Variants in TTC7B observed in about 807,000 individuals in gnomAD.
TTC7B encodes tetratricopeptide repeat protein 7B.
TTC7B carries 28 observed loss-of-function variants against 106.8 expected under a neutral mutation model. The ratio of observed to expected loss-of-function variants is 0.26; its 90% CI spans 0.19 to 0.36. TTC7B has a LOEUF of 0.36. Ranked by LOEUF, TTC7B falls within the 10% of genes least tolerant of loss-of-function variation. TTC7B has a pLI of 1.00. For synonymous variants in TTC7B, 405 were observed against 430.6 expected (o/e 0.94, Z 0.74); for missense variants, 862 against 1,076.4 (o/e 0.80, Z 2.79).
At chr14:90,706,892 T>C (rs1888233272) in intron 5 of TTC7B, among the ~76,000 whole-genome samples, 1 of 152,188 alleles carries the variant, frequency 6.6e-6, no homozygotes, top group South Asian at 2.1e-4. Flanking sequence ...CATACACACA[T>C]ACATGTACAT....
Position 90,535,506 on chromosome 14 carries a change from C to G in TTC7B, c.*5862G>C, listed in dbSNP as rs1889396580. The G allele has an allele frequency of 6.5e-6, 1 of 152,992 alleles. No individual in the cohort carries two copies. The highest frequency in any genetic ancestry group is 2.4e-5 in the African/African-American group (1 of 41,468). 9.5% of individuals were successfully genotyped at this position (152,992 alleles called of 1,614,324 possible). A position where few individuals can be genotyped will look rare whatever the true frequency, so the allele number is the denominator to read the frequency against. On this transcript the variant is annotated 3_prime_UTR_variant, in exon 20 of 20. Transcript: ENST00000328459. ...CAGGCCCCCAGCCAAGGCAGCCCCC[C>G]TCAGCTTCCCTCTCTCCTTCCTCAC...
At chr14:90,788,904 A>G (rs12881572) in intron 1 of TTC7B, among the ~76,000 whole-genome samples, 1 of 151,904 alleles carries the variant, frequency 6.6e-6, no homozygotes, top group Non-Finnish European at 1.5e-5. Flanking sequence ...CAGAGGTTGC[A>G]GTGAGCCAAG....
intron 12 of TTC7B, among the ~76,000 whole-genome samples, chr14:90,653,227 G>T (rs759321647): frequency 7.2e-5 from 11 of 152,244 alleles, no homozygotes; most frequent in Admixed American, 2.0e-4. Flanking sequence ...GCCCTCTCAA[G>T]TGTAGGCATG....
At chr14:90,722,533 C>T (rs1452184719) in intron 5 of TTC7B, among the ~76,000 whole-genome samples, 3 of 152,178 alleles carry the variant, frequency 2.0e-5, no homozygotes, top group Admixed American at 6.5e-5. Context: ...ATTCTGCCAT[C>T]GGTCCTTCCA....
chr14:90,553,031 C>T (rs1008885321), intron 19 of TTC7B, among the ~76,000 whole-genome samples: 3 of 152,214 alleles, frequency 2.0e-5, no homozygotes, highest in East Asian at 3.9e-4. Context: ...GGGGCAGGGA[C>T]GGGGCCTGTG....
At chr14:90,799,860 C>CG (rs2030141039) in intron 1 of TTC7B, among the ~76,000 whole-genome samples, 2 of 152,022 alleles carry the variant, frequency 1.3e-5, no homozygotes, top group African/African-American at 4.8e-5. Context: ...GACGGAGTCT[C>CG]GCTCTGTCGC....
intron 19 of TTC7B, among the ~76,000 whole-genome samples, chr14:90,573,862 C>T (rs1048801346): frequency 2.0e-5 from 3 of 152,248 alleles, no homozygotes; most frequent in Non-Finnish European, 4.4e-5. Context: ...CCTAGCAATA[C>T]TTCCCATCCT....
chr14:90,685,849 T>TA (rs201584290), intron 7 of TTC7B, among the ~76,000 whole-genome samples: 211 of 150,552 alleles, frequency 1.4e-3, no homozygotes, highest in African/African-American at 4.1e-3. Flanking sequence ...AATTAGCATT[T>TA]AAAAAAAAAC....
rs184443699 is a variant in TTC7B, at chr14:90,592,965, G to A, written c.2107+521C>T. 1.8e-3 allele frequency among the ~76,000 whole-genome samples: 278 copies of A among 152,234 alleles called. 2 individuals are homozygous for A. Among genetic ancestry groups the A allele is most frequent in the Middle Eastern group, 3.4e-3 (1 of 294 alleles). The stretch of plus-strand genomic sequence containing the variant: ...TCCCTGGCTTTATAAAGACATCTGT[G>A]TCCTTAACACCTCCTGGCCCTCTCT... On this transcript the variant is annotated intron_variant, in intron 18 of 19. Coordinates refer to ENST00000328459, the MANE Select transcript of TTC7B (RefSeq NM_001010854.2).
chr14:90,708,894 T>G (rs1468718922), intron 5 of TTC7B, among the ~76,000 whole-genome samples: 1 of 151,738 alleles, frequency 6.6e-6, no homozygotes, highest in East Asian at 1.9e-4. Context: ...CAGACACTTC[T>G]CAAAAGAAGA....
At chr14:90,728,476 A>G (rs1234925120) in intron 5 of TTC7B, among the ~76,000 whole-genome samples, 1 of 152,174 alleles carries the variant, frequency 6.6e-6, no homozygotes, top group Non-Finnish European at 1.5e-5. Flanking sequence ...TTAAGGCTAC[A>G]TCAACAGGCA....
chr14:90,749,237 T>C (rs2401911), intron 3 of TTC7B, among the ~76,000 whole-genome samples: 14,764 of 152,136 alleles, frequency 0.097, 1,750 homozygotes, highest in African/African-American at 0.28. Flanking sequence ...CTGGAACTGA[T>C]GGTTTATAGT....
chr14:90,593,754 TCCACAGAGAAACGCGGGCAATCACGG>T, intron 17 of TTC7B, 128 bp from the exon 18 acceptor site: 1 of 988,756 alleles, frequency 1.0e-6, no homozygotes, highest in South Asian at 2.6e-5. Flanking sequence ...AGATTTACTG[TCCACAGAGAAACGCGGGCAATCACGG>T]CCCGGGGCCT....
chr14:90,658,267 A>C, intron 10 of TTC7B, 37 bp downstream of exon 10: 2 of 1,557,304 alleles, frequency 1.3e-6, no homozygotes, highest in Non-Finnish European at 1.8e-6. Context: ...CTTAATAGGA[A>C]AGGCATAAAA....
intron 17 of TTC7B, among the ~76,000 whole-genome samples, chr14:90,599,602 C>T (rs1566791094): frequency 6.6e-6 from 1 of 152,232 alleles, no homozygotes. Context: ...GGCACGTGGC[C>T]ACACCCCAAG....
At chr14:90,590,980 T>C (rs769730608) in intron 18 of TTC7B, among the ~76,000 whole-genome samples, 1 of 152,220 alleles carries the variant, frequency 6.6e-6, no homozygotes, top group Non-Finnish European at 1.5e-5. Context: ...GAAGGAGAAC[T>C]TGACTCTGTC....
chr14:90,582,831 G>A (rs140689796), intron 18 of TTC7B, among the ~76,000 whole-genome samples: 118 of 152,286 alleles, frequency 7.7e-4, no homozygotes, highest in African/African-American at 2.8e-3. Context: ...GGGGCACAAC[G>A]TCTTAGGCTC....
rs1176864239 is a variant in TTC7B at position 90,535,974 on chromosome 14, C to T, written c.*5394G>A. 6.5e-6 allele frequency: 1 copy of T among 153,114 alleles called. No homozygotes were observed. Among genetic ancestry groups the T allele is most frequent in the Non-Finnish European group, 1.5e-5 (1 of 68,206 alleles). The allele number at this position is 153,114 out of a possible 1,614,324, so 9.5% of individuals were successfully genotyped here. A position where few individuals can be genotyped will look rare whatever the true frequency, so the allele number is the denominator to read the frequency against. On this transcript the variant is annotated 3_prime_UTR_variant, in exon 20 of 20. Transcript: ENST00000328459. ...AGGGCCCCTCCTGATGACCTCACTTCACCTGAATTACTTCCTTAAGGGGCC... is the reference window on the plus strand; with the variant it reads ...AGGGCCCCTCCTGATGACCTCACTTTACCTGAATTACTTCCTTAAGGGGCC...
At chr14:90,715,146 G>T (rs1037662868) in intron 5 of TTC7B, among the ~76,000 whole-genome samples, 1 of 152,170 alleles carries the variant, frequency 6.6e-6, no homozygotes, top group Non-Finnish European at 1.5e-5. Context: ...CTATTTTAGG[G>T]TCTCCTGTTC....
Sources: gnomAD v4.1 joint callset for allele counts (sites outside exome capture counted in the v4.1 genomes callset) on GRCh38, gnomAD v4.1.1 for gene constraint, MANE v1.5 for transcripts, NCBI Gene and HGNC (gene_info 2026-07-23, HGNC 2026-07-21) for gene names.